Variants in CFAP161 observed in about 807,000 individuals in gnomAD.
The protein encoded by CFAP161 is cilia and flagella associated protein 161.
A neutral mutation model predicts 29.0 loss-of-function variants in CFAP161; 25 were observed. That is an observed-to-expected ratio of 0.86 (90% CI 0.63 to 1.20). The LOEUF (loss-of-function observed/expected upper bound fraction) is 1.20. CFAP161 is among the 50% of genes most tolerant of loss of function. The pLI is 0.00. For missense variants in CFAP161, 367 were observed against 371.9 expected (o/e 0.99, Z 0.11); for synonymous variants, 116 against 137.4 (o/e 0.84, Z 1.09).
intron 1 of CFAP161, among the ~76,000 whole-genome samples, chr15:81,108,038 TC>T (rs892242559): frequency 2.0e-5 from 3 of 152,138 alleles, no homozygotes; most frequent in African/African-American, 7.2e-5. Flanking sequence ...CCCTATCTTC[TC>T]CCATCAGCTT....
intron 4 of CFAP161, among the ~76,000 whole-genome samples, chr15:81,143,000 A>G (rs548446149): frequency 6.6e-6 from 1 of 152,314 alleles, no homozygotes; most frequent in Admixed American, 6.5e-5. Context: ...TTAATGCAAC[A>G]TCATTTATAT....
At chr15:81,115,160 G>A (rs1247228223) in intron 1 of CFAP161, among the ~76,000 whole-genome samples, 1 of 152,140 alleles carries the variant, frequency 6.6e-6, no homozygotes, top group African/African-American at 2.4e-5. Context: ...AGGCATACAA[G>A]CATGAAAACT....
chr15:81,134,139 G>C, upstream of CFAP161: 1 of 594,216 alleles, frequency 1.7e-6, no homozygotes, highest in Non-Finnish European at 3.0e-6. Context: ...AGTGGGGCGG[G>C]CTGGAGGGCC....
chr15:81,144,281 C>G (rs1051146546), intron 5 of CFAP161, among the ~76,000 whole-genome samples: 36 of 152,338 alleles, frequency 2.4e-4, no homozygotes, highest in African/African-American at 8.2e-4. Context: ...TCGCTAAGGC[C>G]TCCGCTAAGT....
Position 81,148,717 on chromosome 15 carries a change from A to C in CFAP161, c.*184A>C. 2.0e-6 allele frequency: 1 copy of C among 494,224 alleles called. No individual in the cohort carries two copies. The highest frequency in any genetic ancestry group is 3.4e-6 in the Non-Finnish European group (1 of 293,942). 30.6% of individuals were successfully genotyped at this position (494,224 alleles called of 1,614,324 possible). A position where few individuals can be genotyped will look rare whatever the true frequency, so the allele number is the denominator to read the frequency against. Reference sequence around the variant, plus strand: ...TTGTGGTGGGAGTCTAGGGCTGAAGAAAAACAGCTCTGGAGAATAATTAGT... The same window carrying C: ...TTGTGGTGGGAGTCTAGGGCTGAAGCAAAACAGCTCTGGAGAATAATTAGT... On this transcript the variant is annotated 3_prime_UTR_variant, in exon 7 of 7. Coordinates refer to ENST00000286732, the MANE Select transcript of CFAP161 (RefSeq NM_173528.4).
At chr15:81,124,365 T>C (rs2663917) in intron 1 of CFAP161, among the ~76,000 whole-genome samples, 86,853 of 152,040 alleles carry the variant, frequency 0.57, 26,075 homozygotes, top group Non-Finnish European at 0.68. Context: ...ATGAAGCCTA[T>C]TTGATCATGG....
upstream of CFAP161, chr15:81,134,178 T>C: frequency 1.2e-6 from 1 of 846,916 alleles, no homozygotes; most frequent in South Asian, 1.8e-5. Flanking sequence ...AGACGCCCCA[T>C]CTCCCGCCCC....
chr15:81,123,851 G>T (rs2460851), intron 1 of CFAP161, among the ~76,000 whole-genome samples: 1 of 151,926 alleles, frequency 6.6e-6, no homozygotes, highest in Non-Finnish European at 1.5e-5. Flanking sequence ...ACTGTTGTTG[G>T]TATATAGGAA....
intron 1 of CFAP161, among the ~76,000 whole-genome samples, chr15:81,121,455 C>T (rs530714570): frequency 9.9e-5 from 15 of 151,918 alleles, no homozygotes; most frequent in Non-Finnish European, 8.8e-5. Context: ...CAAAATTACT[C>T]TTTCTTTCTC....
At chr15:81,124,895 A>G (rs143749036) in intron 1 of CFAP161, among the ~76,000 whole-genome samples, 6 of 152,108 alleles carry the variant, frequency 3.9e-5, no homozygotes, top group African/African-American at 1.4e-4. Flanking sequence ...CATAATTTTT[A>G]ATGTATATTA....
chr15:81,143,186 A>G (rs1333945352), intron 4 of CFAP161, among the ~76,000 whole-genome samples: 2 of 152,062 alleles, frequency 1.3e-5, no homozygotes, highest in Non-Finnish European at 2.9e-5. Context: ...GGCAGTGTGC[A>G]CCTGCAGTCC....
At chr15:81,134,431 G>C (rs1268500657) in intron 1 of CFAP161, 33 bp downstream of exon 1, 7 of 1,560,658 alleles carry the variant, frequency 4.5e-6, no homozygotes. Flanking sequence ...CAGACCCGCA[G>C]CTCAGGAACT....
At chr15:81,122,573 C>A (rs1423649631) in intron 1 of CFAP161, among the ~76,000 whole-genome samples, 1 of 151,430 alleles carries the variant, frequency 6.6e-6, no homozygotes, top group Non-Finnish European at 1.5e-5. Context: ...CTCACTACAA[C>A]CTCTGCCTGC....
chr15:81,105,349 CCCTCCTTCCTTCTTTT>C (rs1416616375), intron 1 of CFAP161, among the ~76,000 whole-genome samples: 2 of 21,446 alleles, frequency 9.3e-5, no homozygotes, highest in African/African-American at 2.0e-4. Flanking sequence ...TTCCCTCCTT[CCCTCCTTCCTTCTTTT>C]CCTCCTTCCC....
chr15:81,133,229 T>TATATA (rs1567156514), upstream of CFAP161, among the ~76,000 whole-genome samples: 23 of 90,530 alleles, frequency 2.5e-4, 5 homozygotes, highest in Non-Finnish European at 4.7e-4. Context: ...ATATATGTAT[T>TATATA]TTTTTTTAAA....
intron 1 of CFAP161, among the ~76,000 whole-genome samples, chr15:81,118,694 T>C (rs1894532201): frequency 6.6e-6 from 1 of 152,210 alleles, no homozygotes. Context: ...GGCTGTACTC[T>C]AGCGAGGCCA....
chr15:81,102,614 G>T (rs1894316577), intron 1 of CFAP161, among the ~76,000 whole-genome samples: 1 of 152,232 alleles, frequency 6.6e-6, no homozygotes, highest in South Asian at 2.1e-4. Context: ...GCTGCAGTGA[G>T]CTGTGATTGC....
Position 81,148,194 on chromosome 15 carries a change from G to A in CFAP161, c.711-144G>A. On this transcript the variant is annotated intron_variant, in intron 6 of 6. Coordinates refer to ENST00000286732, the MANE Select transcript of CFAP161 (RefSeq NM_173528.4). Reference sequence around the variant, plus strand: ...TGCCCAAATAAGGTGTAACCTCCCTGCAAACATGTCCCATTTTAGAGATTC... The same window carrying A: ...TGCCCAAATAAGGTGTAACCTCCCTACAAACATGTCCCATTTTAGAGATTC... 5 of 883,412 alleles carry A rather than the reference G, an allele frequency of 5.7e-6. No homozygotes were observed. In the Admixed American group the frequency reaches 1.1e-4, roughly 19 times the overall value. 54.7% of individuals were successfully genotyped at this position (883,412 alleles called of 1,614,324 possible).
intron 1 of CFAP161, among the ~76,000 whole-genome samples, chr15:81,107,921 C>T (rs963172697): frequency 1.5e-4 from 23 of 150,208 alleles, no homozygotes; most frequent in Non-Finnish European, 3.2e-4. Flanking sequence ...CCTCTTATCA[C>T]ATTTTTTTTT....
Sources: allele counts gnomAD v4.1 joint callset (sites outside exome capture counted in the v4.1 genomes callset), GRCh38; gene constraint gnomAD v4.1.1; transcripts MANE v1.5; gene names NCBI Gene and HGNC (gene_info 2026-07-23, HGNC 2026-07-21).